The following LRRIQ3 variants were observed in gnomAD, a reference collection of about 807,000 sequenced individuals.
The protein encoded by LRRIQ3 is leucine rich repeats and IQ motif containing 3, also known as leucine-rich repeat and IQ domain-containing protein 3.
LRRIQ3 carries 75 observed loss-of-function variants against 59.3 expected under a neutral mutation model. The observed-to-expected ratio is 1.26, with a 90% CI of 1.05 to 1.53. The LOEUF (loss-of-function observed/expected upper bound fraction) is 1.53. Among genes scored for constraint, LRRIQ3 ranks in the 40% most tolerant of loss-of-function variants. LRRIQ3 has a pLI of 0.00. For missense variants in LRRIQ3, 831 were observed against 710.0 expected, an observed-to-expected ratio of 1.17 and a Z score of -1.94; for synonymous variants, 250 against 231.3, an observed-to-expected ratio of 1.08 and a Z score of -0.73.
intron 4 of LRRIQ3, among the ~76,000 whole-genome samples, chr1:74,129,860 G>A (rs1646986929): frequency 6.6e-6 from 1 of 151,836 alleles, no homozygotes; most frequent in African/African-American, 2.4e-5. Flanking sequence ...TCTGGCCCAG[G>A]GTATGTCTAG....
intron 5 of LRRIQ3, among the ~76,000 whole-genome samples, chr1:74,106,455 C>G (rs900560599): frequency 1.3e-5 from 2 of 151,858 alleles, no homozygotes; most frequent in Non-Finnish European, 2.9e-5. Context: ...CCTTTTGGCT[C>G]CCATGGGTGT....
At chr1:74,124,676 T>TC (rs1176814954) in intron 4 of LRRIQ3, among the ~76,000 whole-genome samples, 3 of 152,124 alleles carry the variant, frequency 2.0e-5, no homozygotes, top group South Asian at 2.1e-4. Flanking sequence ...TGTAGATATA[T>TC]AGATTTGGTT....
At chr1:74,066,688 T>G (rs1654875920) in intron 6 of LRRIQ3, among the ~76,000 whole-genome samples, 1 of 152,178 alleles carries the variant, frequency 6.6e-6, no homozygotes, top group Admixed American at 6.6e-5. Flanking sequence ...TTATTATAGC[T>G]ATTTGATTAT....
At chr1:74,127,331 T>A (rs1365445332) in intron 4 of LRRIQ3, among the ~76,000 whole-genome samples, 2 of 151,974 alleles carry the variant, frequency 1.3e-5, no homozygotes, top group Non-Finnish European at 2.9e-5. Context: ...GAGAGGTTAG[T>A]CTATTTACAT....
intron 6 of LRRIQ3, among the ~76,000 whole-genome samples, chr1:74,054,764 A>ATC (rs1553162607): frequency 4.1e-5 from 6 of 147,770 alleles, no homozygotes; most frequent in South Asian, 2.1e-4. Flanking sequence ...ATATCTATAT[A>ATC]TCTACATACA....
intron 6 of LRRIQ3, among the ~76,000 whole-genome samples, chr1:74,056,669 A>C (rs1221935142): frequency 6.6e-6 from 1 of 152,204 alleles, no homozygotes; most frequent in East Asian, 1.9e-4. Flanking sequence ...AAAAGAAAAT[A>C]TTTATATAAC....
At chr1:74,185,111 T>C (rs1162006660) in intron 1 of LRRIQ3, among the ~76,000 whole-genome samples, 1 of 152,202 alleles carries the variant, frequency 6.6e-6, no homozygotes, top group Non-Finnish European at 1.5e-5. Flanking sequence ...AAAAGTGCTA[T>C]AAAAATTTAT....
At chr1:74,102,765 T>C (rs1464945334) in intron 5 of LRRIQ3, among the ~76,000 whole-genome samples, 2 of 152,038 alleles carry the variant, frequency 1.3e-5, no homozygotes, top group African/African-American at 4.8e-5. Flanking sequence ...GTGATCTCTC[T>C]ATTGACTTTG....
chr1:74,065,901 CTG>C (rs1654851699), intron 6 of LRRIQ3, among the ~76,000 whole-genome samples: 1 of 151,944 alleles, frequency 6.6e-6, no homozygotes, highest in South Asian at 2.1e-4. Context: ...TACATAAAAA[CTG>C]AGGCAGGGCA....
chr1:74,187,350 G>A (rs61777974), intron 1 of LRRIQ3, among the ~76,000 whole-genome samples: 2 of 113,238 alleles, frequency 1.8e-5, no homozygotes, highest in Non-Finnish European at 3.8e-5. Context: ...ATAGGTATAT[G>A]TTTACACACA....
intron 3 of LRRIQ3, chr1:74,181,137 C>A: frequency 4.4e-6 from 1 of 227,208 alleles, no homozygotes; most frequent in East Asian, 1.1e-4. Flanking sequence ...TATAAAGCGC[C>A]TACCACAATG....
chr1:74,039,220 C>T (rs1026354578), intron 7 of LRRIQ3, among the ~76,000 whole-genome samples: 15 of 152,020 alleles, frequency 9.9e-5, no homozygotes, highest in Admixed American at 2.0e-4. Flanking sequence ...GTAGAAGAAA[C>T]GATATCAGAG....
intron 6 of LRRIQ3, among the ~76,000 whole-genome samples, chr1:74,070,191 A>G (rs1382055739): frequency 6.6e-6 from 1 of 152,098 alleles, no homozygotes; most frequent in Non-Finnish European, 1.5e-5. Context: ...TGTTCATTGC[A>G]GCACTATTCT....
At chr1:74,183,276 T>C (rs1457422306) in intron 2 of LRRIQ3, 160 bp downstream of exon 2, 12 of 540,472 alleles carry the variant, frequency 2.2e-5, no homozygotes, top group Non-Finnish European at 3.1e-5. Context: ...AGTGTCCGTA[T>C]TTATATACAT....
chr1:74,034,732 G>T (rs757367414), intron 7 of LRRIQ3, among the ~76,000 whole-genome samples: 24 of 151,522 alleles, frequency 1.6e-4, no homozygotes, highest in Non-Finnish European at 2.9e-5. Context: ...TTTTTCATAC[G>T]TAATAAAGTA....
At chr1:74,035,076 GC>G (rs1360266279) in intron 7 of LRRIQ3, among the ~76,000 whole-genome samples, 1 of 152,000 alleles carries the variant, frequency 6.6e-6, no homozygotes, top group Non-Finnish European at 1.5e-5. Flanking sequence ...AACTATCTGT[GC>G]CTTTCAATCT....
In LRRIQ3 at chr1:74,182,618, T is replaced by G. The variant is rs751363181; in HGVS notation, c.493A>C (p.Ile165Leu). ...CTTTCAGGAAGATGCCAGTTCTGAA[T>G]TATTTCTTCATCAGAAATCACATGA... ...DHHVISDEEI[I>L]QNWHLPERFK... Residue 165 changes from isoleucine to leucine, a missense_variant, in exon 3 of 8, where the codon ATT becomes CTT. Coordinates refer to ENST00000354431, the MANE Select transcript of LRRIQ3 (RefSeq NM_001105659.2). 6.2e-7 allele frequency: 1 copy of G among 1,609,246 alleles called. No individual in the cohort carries two copies. Among genetic ancestry groups the G allele is most frequent in the Non-Finnish European group, 8.5e-7 (1 of 1,177,340 alleles).
chr1:74,185,508 G>A (rs1650304628), intron 1 of LRRIQ3, among the ~76,000 whole-genome samples: 1 of 152,064 alleles, frequency 6.6e-6, no homozygotes, highest in South Asian at 2.1e-4. Context: ...TTGTGTTATT[G>A]TTGAGTTTGA....
chr1:74,096,385 C>G (rs545833739), intron 5 of LRRIQ3, among the ~76,000 whole-genome samples: 59 of 152,156 alleles, frequency 3.9e-4, no homozygotes, highest in African/African-American at 1.4e-3. Context: ...CACTATTATA[C>G]AGAATAACTA....
Sources: gnomAD v4.1 joint callset for allele counts (sites outside exome capture counted in the v4.1 genomes callset) on GRCh38, gnomAD v4.1.1 for gene constraint, MANE v1.5 for transcripts, NCBI Gene and HGNC (gene_info 2026-07-23, HGNC 2026-07-21) for gene names.